The following PCCB variants were observed in gnomAD, a reference collection of about 807,000 sequenced individuals.
PCCB encodes propionyl-CoA carboxylase subunit beta.
Under a neutral mutation model 60.7 loss-of-function variants are expected in PCCB, and 43 were observed. The observed-to-expected ratio is 0.71, with a 90% CI of 0.55 to 0.91. The LOEUF (loss-of-function observed/expected upper bound fraction) is 0.91, where lower values mean the gene tolerates loss of function less well. Among genes scored for constraint, PCCB ranks in the 40% least tolerant of loss-of-function variants. The pLI is 0.00. For missense variants in PCCB, 766 were observed against 702.8 expected, an observed-to-expected ratio of 1.09 and a Z score of -1.02; for synonymous variants, 276 against 255.9, an observed-to-expected ratio of 1.08 and a Z score of -0.75.
chr3:136,292,767 A>G (rs912089342), intron 6 of PCCB, among the ~76,000 whole-genome samples: 6 of 152,174 alleles, frequency 3.9e-5, no homozygotes, highest in African/African-American at 1.4e-4. Context: ...AAGAGGGCAA[A>G]GAGGGCAAAT....
At chr3:136,252,114 T>G (rs1265839029) in intron 1 of PCCB, among the ~76,000 whole-genome samples, 1 of 151,808 alleles carries the variant, frequency 6.6e-6, no homozygotes, top group Non-Finnish European at 1.5e-5. Context: ...ACGCCTGACC[T>G]CAAGTGATTC....
chr3:136,328,594 C>T (rs1935418773), intron 13 of PCCB, among the ~76,000 whole-genome samples, 164 bp from the exon 14 acceptor site: 1 of 152,180 alleles, frequency 6.6e-6, no homozygotes, highest in South Asian at 2.1e-4. Flanking sequence ...TGATGGTCAG[C>T]CCCAGGCAGT....
chr3:136,316,153 G>A (rs995336651), intron 9 of PCCB, among the ~76,000 whole-genome samples: 2 of 150,588 alleles, frequency 1.3e-5, no homozygotes, highest in Non-Finnish European at 3.0e-5. Flanking sequence ...CCAGGAGATC[G>A]AGGCTGCAGT....
chr3:136,289,934 A>G (rs1933597377), intron 6 of PCCB, among the ~76,000 whole-genome samples: 1 of 152,078 alleles, frequency 6.6e-6, no homozygotes. Flanking sequence ...CCTTCCTCCT[A>G]TCCCTCATAT....
At chr3:136,308,866 T>G (rs1934547537) in intron 9 of PCCB, among the ~76,000 whole-genome samples, 1 of 151,960 alleles carries the variant, frequency 6.6e-6, no homozygotes. Flanking sequence ...GACAGAATTC[T>G]AAAAGAAAAA....
chr3:136,289,543 G>T (rs986015183), intron 6 of PCCB, among the ~76,000 whole-genome samples: 1 of 151,870 alleles, frequency 6.6e-6, no homozygotes, highest in African/African-American at 2.4e-5. Context: ...TGGGTTTTTT[G>T]TAGACATCCC....
intron 8 of PCCB, among the ~76,000 whole-genome samples, chr3:136,299,583 TAG>T (rs1934123993): frequency 9.1e-6 from 1 of 109,836 alleles, no homozygotes; most frequent in Admixed American, 8.0e-5. Context: ...TGTGTATGTA[TAG>T]GTATGCATGT....
chr3:136,317,006 T>C lies in PCCB; in HGVS notation c.1032T>C (p.Phe344=), dbSNP rs750610483. ...PNYAKNIIVG[F]ARMNGRTVGI... ...ATGCCAAGAACATCATTGTTGGTTT[T>C]GCAAGAATGAATGGGAGGACTGTTG... The change falls in exon 10 of 15, where the codon TTT becomes TTC. Residue 344 remains phenylalanine (F), a synonymous_variant. Coordinates refer to ENST00000251654, the MANE Select transcript of PCCB (RefSeq NM_000532.5). 2 of 1,614,034 alleles carry C rather than the reference T, an allele frequency of 1.2e-6. No homozygotes were observed. Among genetic ancestry groups the C allele is most frequent in the South Asian group, 2.2e-5 (2 of 91,072 alleles).
chr3:136,280,812 C>G (rs555020643), intron 5 of PCCB, among the ~76,000 whole-genome samples: 2 of 152,228 alleles, frequency 1.3e-5, no homozygotes, highest in Admixed American at 1.3e-4. Flanking sequence ...ACCACTATGC[C>G]CGACCAACCA....
rs756974723 is a variant in PCCB, at chr3:136,302,956, C to T, written c.966+1845C>T. Among the ~76,000 whole-genome samples the T allele has an allele frequency of 2.1e-4, 26 of 121,492 alleles. 7 individuals are homozygous for T. The highest frequency in any genetic ancestry group is 4.0e-4 in the Non-Finnish European group (22 of 54,504). 79.7% of individuals were successfully genotyped at this position (121,492 alleles called of 152,430 possible). A position where few individuals can be genotyped will look rare whatever the true frequency, so the allele number is the denominator to read the frequency against. ...AAAATTTGCTGGGTGAGGTGGCTGT[C>T]GCCTGTAGTCCCATTTACTTGGGAG... On this transcript the variant is annotated intron_variant, in intron 9 of 14. Transcript: ENST00000251654.
At chr3:136,308,701 AAC>A (rs1934539576) in intron 9 of PCCB, among the ~76,000 whole-genome samples, 2 of 152,218 alleles carry the variant, frequency 1.3e-5, no homozygotes, top group African/African-American at 4.8e-5. Context: ...TCAGAAAGAA[AAC>A]ATCATTAAAT....
chr3:136,328,255 G>T (rs1310015166), intron 13 of PCCB, among the ~76,000 whole-genome samples: 1 of 152,136 alleles, frequency 6.6e-6, no homozygotes, highest in African/African-American at 2.4e-5. Context: ...ATAACTTCCA[G>T]GTCCCCTAGA....
chr3:136,293,266 G>A (rs1396768545), intron 6 of PCCB, among the ~76,000 whole-genome samples: 1 of 152,218 alleles, frequency 6.6e-6, no homozygotes, highest in Non-Finnish European at 1.5e-5. Flanking sequence ...GCTTTCCAAA[G>A]TGTTGGGATT....
At chr3:136,316,104 A>G (rs566670576) in intron 9 of PCCB, among the ~76,000 whole-genome samples, 40 of 151,360 alleles carry the variant, frequency 2.6e-4, no homozygotes, top group Non-Finnish European at 4.9e-4. Context: ...CTGTGGTCCT[A>G]GTTGCTTGGG....
intron 5 of PCCB, among the ~76,000 whole-genome samples, chr3:136,273,737 C>G (rs1413562301): frequency 6.7e-6 from 1 of 149,114 alleles, no homozygotes; most frequent in Admixed American, 6.7e-5. Flanking sequence ...ACGGTGAAAC[C>G]CTGTCTCTAC....
chr3:136,251,186 A>G (rs1039694391), intron 1 of PCCB: 1 of 456,128 alleles, frequency 2.2e-6, no homozygotes, highest in East Asian at 6.9e-5. Context: ...GCTACTCTCG[A>G]TGTTTGGCTG....
chr3:136,311,868 A>C (rs970636965), intron 9 of PCCB, among the ~76,000 whole-genome samples: 5 of 152,210 alleles, frequency 3.3e-5, no homozygotes, highest in African/African-American at 1.2e-4. Context: ...TGTTATTAAC[A>C]AACTGGTGAT....
intron 3 of PCCB, among the ~76,000 whole-genome samples, chr3:136,258,052 A>G (rs1941722524): frequency 6.6e-6 from 1 of 150,836 alleles, no homozygotes; most frequent in African/African-American, 2.4e-5. Flanking sequence ...TGGTCTACCA[A>G]ATGCCGAAAT....
intron 10 of PCCB, chr3:136,326,334 T>A: frequency 2.8e-6 from 2 of 702,834 alleles, no homozygotes; most frequent in Non-Finnish European, 2.6e-6. Context: ...AGATTCCATT[T>A]CCTTTACTCC....
Sources: allele counts gnomAD v4.1 joint callset (sites outside exome capture counted in the v4.1 genomes callset), GRCh38; gene constraint gnomAD v4.1.1; transcripts MANE v1.5; gene names NCBI Gene and HGNC (gene_info 2026-07-23, HGNC 2026-07-21).